Variants in ANK1 observed in about 807,000 individuals in gnomAD.
The protein encoded by ANK1 is ankyrin 1.
ANK1 carries 51 observed loss-of-function variants against 210.4 expected under a neutral mutation model. That is an observed-to-expected ratio of 0.24 (90% CI 0.19 to 0.31). The LOEUF (loss-of-function observed/expected upper bound fraction) is 0.31. Among genes scored for constraint, ANK1 ranks in the 10% least tolerant of loss-of-function variants. The pLI, the probability that ANK1 is intolerant of heterozygous loss-of-function variation, is 1.00. For synonymous variants in ANK1, 967 were observed against 1,025.9 expected, an observed-to-expected ratio of 0.94 and a Z score of 1.10; for missense variants, 2,051 against 2,504.4, an observed-to-expected ratio of 0.82 and a Z score of 3.86.
chr8:41,663,912 G>A, intron 39 of ANK1, 170 bp from the exon 40 acceptor site: 1 of 683,342 alleles, frequency 1.5e-6, no homozygotes, highest in Non-Finnish European at 2.7e-6. Context: ...GGCTCCCAGG[G>A]CGTGGGCGGC....
At chr8:41,803,743 T>A (rs545470760) in intron 1 of ANK1, among the ~76,000 whole-genome samples, 43 of 152,262 alleles carry the variant, frequency 2.8e-4, no homozygotes, top group African/African-American at 1.0e-3. Context: ...CTAGTCTCAG[T>A]TTATTAAAAT....
At chr8:41,695,401 G>C (rs1586170541) in intron 26 of ANK1, 70 bp from the exon 27 acceptor site, 6 of 1,592,782 alleles carry the variant, frequency 3.8e-6, no homozygotes, top group Non-Finnish European at 5.1e-6. Flanking sequence ...GAGGGATGGG[G>C]CTGCCGGCTC....
chr8:41,752,362 T>C lies in ANK1; in HGVS notation c.129+5674A>G, dbSNP rs184013210. ...CCCCACACAGGCGAGTGGGAGTATA[T>C]TCAACATGCCTTTCCTCCCTGCTCT... On this transcript the variant is annotated intron_variant, in intron 2 of 42. Coordinates refer to ENST00000289734, the MANE Select transcript of ANK1 (RefSeq NM_000037.4). 3.9e-3 allele frequency among the ~76,000 whole-genome samples: 588 copies of C among 152,302 alleles called. 3 individuals carry two copies. Among genetic ancestry groups the C allele is most frequent in the Non-Finnish European group, 5.0e-3 (342 of 68,030 alleles).
At chr8:41,788,606 A>C (rs1586950977) in intron 1 of ANK1, among the ~76,000 whole-genome samples, 4 of 152,232 alleles carry the variant, frequency 2.6e-5, no homozygotes, top group Admixed American at 6.5e-5. Flanking sequence ...AGCATTAAAT[A>C]TGCTGCGATA....
chr8:41,854,276 G>A (rs1811787471), intron 1 of ANK1, among the ~76,000 whole-genome samples: 1 of 152,128 alleles, frequency 6.6e-6, no homozygotes, highest in Non-Finnish European at 1.5e-5. Context: ...AGGAGAGAGA[G>A]CACTCAGCTT....
In ANK1 at chr8:41,874,364, T is replaced by G. The variant is rs190054927; in HGVS notation, c.126+21991A>C. ...TCTCATATCCATCATAATTGAATTT[T>G]GAAAAGTTGCACTGGGCCCAGGAAA... is the stretch of plus-strand genomic sequence containing the variant. On this transcript the variant is annotated intron_variant, in intron 1 of 42. Transcript: ENST00000265709. Among the ~76,000 whole-genome samples, 9 of 152,366 alleles carry G rather than the reference T, an allele frequency of 5.9e-5. No homozygotes were observed. The East Asian group carries it at 1.5e-3, about 26-fold the overall frequency.
chr8:41,821,518 T>G (rs1366247736), intron 1 of ANK1, among the ~76,000 whole-genome samples: 1 of 152,160 alleles, frequency 6.6e-6, no homozygotes, highest in Non-Finnish European at 1.5e-5. Flanking sequence ...ACCTGCCAAG[T>G]GGACCCTGAA....
At chr8:41,691,039 A>G (rs780095130) in intron 31 of ANK1, among the ~76,000 whole-genome samples, 12 of 152,220 alleles carry the variant, frequency 7.9e-5, no homozygotes, top group Non-Finnish European at 1.3e-4. Flanking sequence ...CCTGGGCAAC[A>G]TAGGAGATCC....
intron 38 of ANK1, among the ~76,000 whole-genome samples, chr8:41,671,913 A>G (rs1460551387): frequency 7.1e-6 from 1 of 141,048 alleles, no homozygotes; most frequent in Non-Finnish European, 1.5e-5. Flanking sequence ...CGATGTCCTA[A>G]GTGAGCCCTC....
upstream of ANK1, chr8:41,797,740 C>A: frequency 1.5e-6 from 1 of 678,032 alleles, no homozygotes; most frequent in South Asian, 2.5e-5. This position sits in a 1 kb window ranked among gnomAD's most constrained non-coding sequence, Gnocchi z 4.0. Context: ...CGCCTGGGGA[C>A]CGCAGATTAC....
chr8:41,896,330 G>A, intron 1 of ANK1: 1 of 1,583,262 alleles, frequency 6.3e-7, no homozygotes, highest in East Asian at 2.5e-5. Flanking sequence ...GCGGTCGCTG[G>A]GCTTTCACCG....
At chr8:41,656,314 A>C (rs546513468) in intron 42 of ANK1, among the ~76,000 whole-genome samples, 1 of 152,316 alleles carries the variant, frequency 6.6e-6, no homozygotes, top group East Asian at 1.9e-4. Flanking sequence ...TTGGGAGCTC[A>C]TGCCTCAAGG....
intron 9 of ANK1, among the ~76,000 whole-genome samples, chr8:41,720,487 G>C (rs1187221206): frequency 6.6e-6 from 1 of 152,126 alleles, no homozygotes; most frequent in Non-Finnish European, 1.5e-5. Context: ...ACATAAAAGA[G>C]AGAGGAGACT....
intron 1 of ANK1, among the ~76,000 whole-genome samples, chr8:41,790,290 G>A (rs1847365916): frequency 6.6e-6 from 1 of 152,012 alleles, no homozygotes; most frequent in South Asian, 2.1e-4. Flanking sequence ...GAGATTACAG[G>A]CACCCACTAC....
At chr8:41,884,821 GACCTTGTCTCAAAATAA>G (rs1774993364) in intron 1 of ANK1, among the ~76,000 whole-genome samples, 1 of 152,096 alleles carries the variant, frequency 6.6e-6, no homozygotes, top group African/African-American at 2.4e-5. Flanking sequence ...GACAGGGTGA[GACCTTGTCTCAAAATAA>G]ATAAACAAAC....
intron 20 of ANK1, among the ~76,000 whole-genome samples, chr8:41,703,101 G>A (rs1003572382): frequency 2.6e-5 from 4 of 152,118 alleles, no homozygotes; most frequent in Admixed American, 2.0e-4. Flanking sequence ...AAGGTGCTGG[G>A]ATTACAGGCA....
At chr8:41,808,200 T>C (rs1851248180) in intron 1 of ANK1, among the ~76,000 whole-genome samples, 2 of 152,182 alleles carry the variant, frequency 1.3e-5, no homozygotes, top group Non-Finnish European at 2.9e-5. Flanking sequence ...TGGCCCACCA[T>C]TGCAGACCCA....
intron 1 of ANK1, among the ~76,000 whole-genome samples, chr8:41,794,416 C>G (rs1310978236): frequency 1.3e-5 from 2 of 152,186 alleles, no homozygotes; most frequent in African/African-American, 4.8e-5. Flanking sequence ...CCAATGGCAC[C>G]TCAATGAGGC....
At chr8:41,761,252 C>A (rs1425715769) in intron 1 of ANK1, among the ~76,000 whole-genome samples, 1 of 151,806 alleles carries the variant, frequency 6.6e-6, no homozygotes, top group Non-Finnish European at 1.5e-5. Flanking sequence ...CACATACACA[C>A]CCATACACAG....
Sources: gnomAD v4.1 joint callset for allele counts (sites outside exome capture counted in the v4.1 genomes callset) on GRCh38, gnomAD v4.1.1 for gene constraint, Gnocchi (gnomAD v3.1) non-coding constraint, MANE v1.5 for transcripts, NCBI Gene and HGNC (gene_info 2026-07-23, HGNC 2026-07-21) for gene names.